The following CEP112 variants were observed in gnomAD, a reference collection of about 807,000 sequenced individuals.
CEP112 encodes the protein centrosomal protein 112.
In CEP112, 127 loss-of-function variants were observed where a neutral mutation model predicts 153.0. The observed-to-expected ratio is 0.83, with a 90% CI of 0.72 to 0.96. The LOEUF (loss-of-function observed/expected upper bound fraction) is 0.96, where lower values mean the gene tolerates loss of function less well. CEP112 is among the 40% of genes least tolerant of loss of function. CEP112 has a pLI of 0.00. For synonymous variants in CEP112, 358 were observed against 374.4 expected (o/e 0.96, Z 0.51); for missense variants, 1,089 against 1,101.2 (o/e 0.99, Z 0.16).
Position 66,020,841 on chromosome 17 carries a change from G to A in CEP112, c.1656+6660C>T, listed in dbSNP as rs760682054. ...GAACTCTGTTTTTCCCGAGATGGTG[G>A]ACCAGAGGCCTTTCCAACGTGCCTC... On this transcript the variant is annotated intron_variant, in intron 16 of 26. Coordinates refer to ENST00000535342, the MANE Select transcript of CEP112 (RefSeq NM_001199165.4). Among the ~76,000 whole-genome samples, 8 of 152,256 alleles carry A rather than the reference G, an allele frequency of 5.3e-5. No homozygotes were observed. In the South Asian group the frequency reaches 6.2e-4, roughly 12 times the overall value.
chr17:65,996,449 C>T (rs2063796726), intron 17 of CEP112, among the ~76,000 whole-genome samples: 1 of 152,094 alleles, frequency 6.6e-6, no homozygotes, highest in African/African-American at 2.4e-5. Context: ...CATCAGCTAT[C>T]TCTTAGAAAT....
At chr17:65,883,647 G>A (rs1475734551) in intron 20 of CEP112, among the ~76,000 whole-genome samples, 6 of 152,174 alleles carry the variant, frequency 3.9e-5, no homozygotes, top group Admixed American at 1.3e-4. Context: ...GATTACAGGC[G>A]TGAGCCACCG....
intron 17 of CEP112, among the ~76,000 whole-genome samples, chr17:66,001,115 A>G (rs2064026588): frequency 6.6e-6 from 1 of 152,108 alleles, no homozygotes; most frequent in Non-Finnish European, 1.5e-5. Flanking sequence ...TCTGCTCCCA[A>G]ATGGGCTTGT....
At chr17:65,964,561 G>A (rs2062339271) in intron 17 of CEP112, among the ~76,000 whole-genome samples, 1 of 152,088 alleles carries the variant, frequency 6.6e-6, no homozygotes, top group Non-Finnish European at 1.5e-5. Context: ...AATTGTTATT[G>A]GGTACCATGG....
chr17:66,012,027 A>C (rs12450693), intron 16 of CEP112, among the ~76,000 whole-genome samples: 62,542 of 152,068 alleles, frequency 0.41, 14,336 homozygotes, highest in East Asian at 0.87. Flanking sequence ...TTTTGTCTGA[A>C]ATTAGAATAG....
chr17:65,797,803 G>T (rs1358667906), intron 21 of CEP112, among the ~76,000 whole-genome samples: 1 of 152,178 alleles, frequency 6.6e-6, no homozygotes, highest in Non-Finnish European at 1.5e-5. Context: ...GCTTATGCTA[G>T]TCACCTCTTC....
chr17:65,679,171 T>TTTTC (rs1567852451), intron 24 of CEP112, among the ~76,000 whole-genome samples: 1 of 105,268 alleles, frequency 9.5e-6, no homozygotes, highest in Non-Finnish European at 1.8e-5. Context: ...TTTTTTTTTT[T>TTTTC]CAGAAAACAG....
At chr17:65,636,987 A>G in intron 26 of CEP112, 137 bp downstream of exon 26, 2 of 662,638 alleles carry the variant, frequency 3.0e-6, no homozygotes, top group Non-Finnish European at 5.4e-6. Context: ...AAGACATGCT[A>G]CTTACTAAAA....
intron 19 of CEP112, among the ~76,000 whole-genome samples, chr17:65,916,456 G>A (rs11652557): frequency 0.053 from 8,096 of 152,102 alleles, 266 homozygotes; most frequent in Admixed American, 0.072. Context: ...TGATTGAGAA[G>A]GCATTAGTTC....
At chr17:66,157,499 T>TA (rs2071495726) in intron 4 of CEP112, among the ~76,000 whole-genome samples, 1 of 152,116 alleles carries the variant, frequency 6.6e-6, no homozygotes, top group African/African-American at 2.4e-5. Context: ...GCTAGCATCA[T>TA]AATGACAGGA....
intron 17 of CEP112, among the ~76,000 whole-genome samples, chr17:66,000,625 C>G (rs905807164): frequency 6.6e-6 from 1 of 152,148 alleles, no homozygotes; most frequent in South Asian, 2.1e-4. Flanking sequence ...TCGGTGGCAG[C>G]AGAGCACTGC....
intron 21 of CEP112, among the ~76,000 whole-genome samples, chr17:65,806,201 C>T (rs1364465773): frequency 6.6e-6 from 1 of 152,074 alleles, no homozygotes; most frequent in Non-Finnish European, 1.5e-5. Flanking sequence ...GGCATGTGCC[C>T]AGGGGAAACA....
intron 4 of CEP112, among the ~76,000 whole-genome samples, chr17:66,171,426 AC>A (rs1344405130): frequency 2.0e-5 from 3 of 152,220 alleles, no homozygotes; most frequent in African/African-American, 7.2e-5. Flanking sequence ...CACCATAAAA[AC>A]ATACATGTGT....
chr17:65,927,750 G>A, intron 18 of CEP112, 61 bp from the exon 19 acceptor site: 3 of 1,048,106 alleles, frequency 2.9e-6, no homozygotes, highest in Middle Eastern at 2.5e-4. Flanking sequence ...CCATGTTTTT[G>A]TAATTTGTCC....
intron 21 of CEP112, among the ~76,000 whole-genome samples, chr17:65,834,697 C>T (rs1477623960): frequency 6.6e-6 from 1 of 152,098 alleles, no homozygotes. Context: ...CAAAAAATAA[C>T]AGATGCTGGC....
In CEP112 at chr17:66,034,976, G is replaced by GTGTGTGTGTGTGTGTGTGTGTA. The variant is rs1255011364; in HGVS notation, c.1219-4954_1219-4953insTACACACACACACACACACACA. 5.6e-3 allele frequency among the ~76,000 whole-genome samples: 75 copies of GTGTGTGTGTGTGTGTGTGTGTA among 13,394 alleles called. 11 individuals carry two copies. Among genetic ancestry groups the GTGTGTGTGTGTGTGTGTGTGTA allele is most frequent in the East Asian group, 0.033 (10 of 300 alleles). The allele number at this position is 13,394 out of a possible 152,430, so 8.8% of individuals were successfully genotyped here. On this transcript the variant is annotated intron_variant, in intron 12 of 26. Coordinates refer to ENST00000535342, the MANE Select transcript of CEP112 (RefSeq NM_001199165.4). The stretch of plus-strand genomic sequence containing the variant: ...ACCATGCCCAGCTAAGTTTTTGCAT[G>GTGTGTGTGTGTGTGTGTGTGTA]TATATATATATATATACATATATAT...
chr17:66,025,477 T>G (rs1259194097), intron 16 of CEP112, among the ~76,000 whole-genome samples: 2 of 151,864 alleles, frequency 1.3e-5, no homozygotes, highest in African/African-American at 4.8e-5. Flanking sequence ...AACCCCATTA[T>G]AAAGTGGACA....
intron 24 of CEP112, among the ~76,000 whole-genome samples, chr17:65,683,764 C>T (rs568134744): frequency 6.6e-6 from 1 of 152,348 alleles, no homozygotes; most frequent in East Asian, 1.9e-4. Context: ...CAACTTCCAG[C>T]TGGGTGCGGT....
chr17:65,913,962 C>T (rs2060378865), intron 19 of CEP112: 2 of 730,512 alleles, frequency 2.7e-6, no homozygotes, highest in African/African-American at 3.8e-5. Context: ...TGAGCTATTA[C>T]TTTCTGTGGT....
Sources: allele counts gnomAD v4.1 joint callset (sites outside exome capture counted in the v4.1 genomes callset), GRCh38; gene constraint gnomAD v4.1.1; transcripts MANE v1.5; gene names NCBI Gene and HGNC (gene_info 2026-07-23, HGNC 2026-07-21).